The following FHIP2A variants were observed in gnomAD, a reference collection of about 807,000 sequenced individuals.
The protein encoded by FHIP2A is FHF complex subunit HOOK interacting protein 2A.
Under a neutral mutation model 93.5 loss-of-function variants are expected in FHIP2A, and 46 were observed. That is an observed-to-expected ratio of 0.49 (90% confidence interval 0.39 to 0.63). The LOEUF (loss-of-function observed/expected upper bound fraction) is 0.63. FHIP2A is among the 20% of genes least tolerant of loss of function. The pLI, the probability that FHIP2A is intolerant of heterozygous loss-of-function variation, is 0.00. For synonymous variants in FHIP2A, 332 were observed against 326.5 expected (o/e 1.02, Z -0.18); for missense variants, 769 against 909.7 (o/e 0.85, Z 1.99).
At chr10:114,845,234 T>C (rs1592019345) in intron 7 of FHIP2A, 133 bp from the exon 8 acceptor site, 1 of 520,956 alleles carries the variant, frequency 1.9e-6, no homozygotes, top group Non-Finnish European at 3.5e-6. Context: ...CTTCTCACTG[T>C]CCTCCAGCAT....
chr10:114,861,615 C>G lies in FHIP2A; in HGVS notation c.*75C>G, dbSNP rs983221218. The G allele has an allele frequency of 1.4e-5, 21 of 1,549,858 alleles. No individual in the cohort carries two copies. In the African/African-American group the frequency reaches 2.2e-4, roughly 16 times the overall value. Reference sequence around the variant, plus strand: ...CCAAAAAAGACTCAGTTCCACCCAGCCACAAGAGGATAAAAAGCCTTTTTA... The same window carrying G: ...CCAAAAAAGACTCAGTTCCACCCAGGCACAAGAGGATAAAAAGCCTTTTTA... On this transcript the variant is annotated 3_prime_UTR_variant, in exon 17 of 17. Coordinates refer to ENST00000369248, the MANE Select transcript of FHIP2A (RefSeq NM_020940.4).
rs1027928630 is a variant in FHIP2A, at chr10:114,860,723, T to C, written c.1948-26T>C. 3.2e-6 allele frequency: 5 copies of C among 1,539,052 alleles called. No individual in the cohort carries two copies. In the Admixed American group the frequency reaches 8.4e-5, roughly 26 times the overall value. The stretch of plus-strand genomic sequence containing the variant: ...CACCGGTATACATTATTTTTAAATG[T>C]CTTTCTGTTTTTTATCTCTCCATAG... On this transcript the variant is annotated intron_variant, in intron 14 of 16. Coordinates refer to ENST00000369248, the MANE Select transcript of FHIP2A (RefSeq NM_020940.4).
At chr10:114,870,740 T>A (rs1320110829) in intron 16 of FHIP2A, among the ~76,000 whole-genome samples, 1 of 152,212 alleles carries the variant, frequency 6.6e-6, no homozygotes, top group Admixed American at 6.5e-5. Context: ...AAAGGTTTGC[T>A]TTTTAAAGTA....
Position 114,846,372 on chromosome 10 carries a change from G to A in FHIP2A, c.1398+5G>A. On this transcript the variant is annotated splice_donor_5th_base_variant and intron_variant, in intron 10 of 16. Coordinates refer to ENST00000369248, the MANE Select transcript of FHIP2A (RefSeq NM_020940.4). ...TGTGATCACATATCTGATGAGGTAAGCTACGTAATGATTTAGAATTGGACT... is the reference window on the plus strand; with the variant it reads ...TGTGATCACATATCTGATGAGGTAAACTACGTAATGATTTAGAATTGGACT... 6.2e-7 allele frequency: 1 copy of A among 1,609,390 alleles called. No homozygotes were observed. Among genetic ancestry groups the A allele is most frequent in the Non-Finnish European group, 8.5e-7 (1 of 1,176,488 alleles).
At chr10:114,878,004 C>T (rs2083897764) in intron 16 of FHIP2A, among the ~76,000 whole-genome samples, 2 of 151,972 alleles carry the variant, frequency 1.3e-5, no homozygotes, top group Admixed American at 1.3e-4. Context: ...ACCTTCCCCC[C>T]AATATATAGA....
chr10:114,822,460 G>C (rs1272342752), intron 1 of FHIP2A, among the ~76,000 whole-genome samples: 6 of 152,192 alleles, frequency 3.9e-5, no homozygotes, highest in South Asian at 2.1e-4. Context: ...CCGGGGGTTC[G>C]GGGAGCACCT....
chr10:114,825,511 A>G (rs1234791457), intron 1 of FHIP2A, among the ~76,000 whole-genome samples: 1 of 152,234 alleles, frequency 6.6e-6, no homozygotes, highest in Non-Finnish European at 1.5e-5. Flanking sequence ...GATAGACTGC[A>G]TTTTGAGTAT....
chr10:114,892,270 A>G (rs2083978913), intron 16 of FHIP2A, among the ~76,000 whole-genome samples: 1 of 152,222 alleles, frequency 6.6e-6, no homozygotes, highest in Non-Finnish European at 1.5e-5. Flanking sequence ...CCCAAAGTCC[A>G]GCTTCTGTGA....
At chr10:114,837,541 T>G (rs1474829602) in intron 5 of FHIP2A, among the ~76,000 whole-genome samples, 1 of 152,030 alleles carries the variant, frequency 6.6e-6, no homozygotes, top group East Asian at 1.9e-4. Context: ...ATAAATAAAT[T>G]TTTCTTTTTC....
At chr10:114,892,623 G>C (rs2083981439) in intron 16 of FHIP2A, among the ~76,000 whole-genome samples, 1 of 152,028 alleles carries the variant, frequency 6.6e-6, no homozygotes. Context: ...GGGTGACAGA[G>C]CGAGATTCTG....
chr10:114,878,791 A>AAAG (rs796671658), intron 16 of FHIP2A, among the ~76,000 whole-genome samples: 25 of 135,522 alleles, frequency 1.8e-4, no homozygotes, highest in Middle Eastern at 4.0e-3. Flanking sequence ...AAAAAAAAAA[A>AAAG]AAAGAAAGAA....
At chr10:114,865,638 G>C (rs764991395), downstream of FHIP2A, among the ~76,000 whole-genome samples, 27 of 152,076 alleles carry the variant, frequency 1.8e-4, no homozygotes, top group Non-Finnish European at 2.8e-4. Context: ...CTGTGTTTTG[G>C]GAATGCATAA....
intron 16 of FHIP2A, among the ~76,000 whole-genome samples, chr10:114,877,475 A>G (rs200478145): frequency 1.3e-5 from 2 of 152,042 alleles, no homozygotes; most frequent in East Asian, 1.9e-4. Flanking sequence ...AATTATAATT[A>G]TATATAAGTC....
Position 114,861,554 on chromosome 10 carries a change from T to C in FHIP2A, c.*14T>C. On this transcript the variant is annotated 3_prime_UTR_variant, in exon 17 of 17. Coordinates refer to ENST00000369248, the MANE Select transcript of FHIP2A (RefSeq NM_020940.4). ...TCCACACCATAAATAACATCTTTCA[T>C]GTAACTGGGGGAACAGAACTACTGT... 1.9e-6 allele frequency: 3 copies of C among 1,611,982 alleles called. No individual in the cohort carries two copies. Among genetic ancestry groups the C allele is most frequent in the Non-Finnish European group, 2.5e-6 (3 of 1,179,752 alleles).
rs2083815177 is a variant in FHIP2A at position 114,863,946 on chromosome 10, C to A, written c.*2406C>A. ...CTTTGGATTTGTTTTTAGTTATGAG[C>A]CGCATTCTTTACTTGATAGAACTCA... On this transcript the variant is annotated 3_prime_UTR_variant, in exon 17 of 17. Coordinates refer to ENST00000369248, the MANE Select transcript of FHIP2A (RefSeq NM_020940.4). 9.4e-7 allele frequency: 1 copy of A among 1,058,884 alleles called. No individual in the cohort carries two copies. Among genetic ancestry groups the A allele is most frequent in the Non-Finnish European group, 1.1e-6 (1 of 873,600 alleles). The allele number at this position is 1,058,884 out of a possible 1,614,324, so 65.6% of individuals were successfully genotyped here.
intron 16 of FHIP2A, among the ~76,000 whole-genome samples, chr10:114,875,926 AAG>A (rs2083886191): frequency 1.3e-5 from 2 of 150,902 alleles, no homozygotes; most frequent in Non-Finnish European, 3.0e-5. Context: ...GAAAGAAAGA[AAG>A]AAAGAGAAAG....
intron 16 of FHIP2A, among the ~76,000 whole-genome samples, chr10:114,884,725 C>T (rs1012681394): frequency 6.6e-6 from 1 of 151,724 alleles, no homozygotes; most frequent in African/African-American, 2.4e-5. Context: ...CCAGCCTGAC[C>T]AACATGGTAA....
chr10:114,878,813 AAAG>A (rs1262618206), intron 16 of FHIP2A, among the ~76,000 whole-genome samples: 2 of 151,404 alleles, frequency 1.3e-5, no homozygotes, highest in African/African-American at 2.4e-5. Flanking sequence ...GAAAGAAAGA[AAAG>A]AAGCCTGGGC....
downstream of FHIP2A, among the ~76,000 whole-genome samples, chr10:114,866,728 A>G (rs570975951): frequency 1.1e-4 from 16 of 152,350 alleles, no homozygotes; most frequent in African/African-American, 3.8e-4. Context: ...ACACTGTTAG[A>G]GAAACGAGAC....
Sources: gnomAD v4.1 joint callset for allele counts (sites outside exome capture counted in the v4.1 genomes callset) on GRCh38, gnomAD v4.1.1 for gene constraint, MANE v1.5 for transcripts, NCBI Gene and HGNC (gene_info 2026-07-23, HGNC 2026-07-21) for gene names.